The following NEK10 variants were observed in gnomAD, a reference collection of about 807,000 sequenced individuals.
NEK10 encodes the protein NIMA related kinase 10.
A neutral mutation model predicts 159.8 loss-of-function variants in NEK10; 122 were observed. That is an observed-to-expected ratio of 0.76 (90% confidence interval 0.66 to 0.89). The LOEUF (loss-of-function observed/expected upper bound fraction) is 0.89, where lower values mean the gene tolerates loss of function less well. Ranked by LOEUF, NEK10 falls within the 40% of genes least tolerant of loss-of-function variation. The pLI, the probability that NEK10 is intolerant of heterozygous loss-of-function variation, is 0.00. For missense variants in NEK10, 1,342 were observed against 1,323.1 expected (o/e 1.01, Z -0.22); for synonymous variants, 466 against 457.1 (o/e 1.02, Z -0.25).
chr3:27,310,600 T>C (rs1575688921), intron 9 of NEK10: 1 of 185,166 alleles, frequency 5.4e-6, no homozygotes, highest in South Asian at 1.6e-4. Flanking sequence ...TGTATACATA[T>C]GTACATTTTG....
At chr3:27,363,666 T>C (rs1439121594) in intron 1 of NEK10, 1 of 152,174 alleles carries the variant, frequency 6.6e-6, no homozygotes, top group Non-Finnish European at 1.5e-5. Flanking sequence ...AAGTATTACA[T>C]TGATGTTAAA....
At chr3:27,315,246 C>A (rs1028640931) in intron 6 of NEK10, among the ~76,000 whole-genome samples, 2 of 152,086 alleles carry the variant, frequency 1.3e-5, no homozygotes, top group Non-Finnish European at 2.9e-5. Context: ...GGGAAGTGCA[C>A]AGGGACGAGT....
At chr3:27,186,574 G>T (rs1203637422) in intron 26 of NEK10, among the ~76,000 whole-genome samples, 1 of 152,134 alleles carries the variant, frequency 6.6e-6, no homozygotes, top group Non-Finnish European at 1.5e-5. Context: ...GTTTGAGGGG[G>T]AAACTGGGGC....
At chr3:27,236,785 A>C (rs1362673053) in intron 23 of NEK10, among the ~76,000 whole-genome samples, 1 of 152,180 alleles carries the variant, frequency 6.6e-6, no homozygotes, top group East Asian at 1.9e-4. Context: ...GCAAAATTAG[A>C]GTTACTGATG....
Position 27,174,775 on chromosome 3 carries a change from C to T in NEK10, c.2564G>A (p.Ser855Asn), listed in dbSNP as rs374444883. 20 of 1,612,130 alleles carry T rather than the reference C, an allele frequency of 1.2e-5. No homozygotes were observed. Among genetic ancestry groups the T allele is most frequent in the African/African-American group, 2.7e-5 (2 of 74,776 alleles). ...SSSSGAASLKSELSESADLPP... is the reference protein window; with the variant it reads ...SSSSGAASLKNELSESADLPP... Reference sequence around the variant, plus strand: ...CAGGTCTGCGCTTTCTGAAAGTTCACTTTTCAGGCTGGCTGCTCCACTGCT... The same window carrying T: ...CAGGTCTGCGCTTTCTGAAAGTTCATTTTTCAGGCTGGCTGCTCCACTGCT... The change falls in exon 27 of 36, where the codon AGT (serine) becomes AAT (asparagine). Residue 855 changes from serine (S) to asparagine (N), a missense_variant. Ser to Asn is a conservative substitution (Grantham distance 46, BLOSUM62 1). Transcript: ENST00000691995.
At chr3:27,196,406 T>A (rs1949562187) in intron 25 of NEK10, among the ~76,000 whole-genome samples, 1 of 152,184 alleles carries the variant, frequency 6.6e-6, no homozygotes, top group Admixed American at 6.6e-5. Flanking sequence ...CAACTCAGCA[T>A]CTGAGGGGTT....
At chr3:27,365,188 C>A (rs1314394298) in intron 1 of NEK10, among the ~76,000 whole-genome samples, 1 of 152,110 alleles carries the variant, frequency 6.6e-6, no homozygotes. Context: ...CTGTCTTTTG[C>A]AAAATATACT....
chr3:27,339,141 T>C (rs2047022417), intron 5 of NEK10, among the ~76,000 whole-genome samples: 1 of 152,202 alleles, frequency 6.6e-6, no homozygotes, highest in Non-Finnish European at 1.5e-5. Flanking sequence ...AAGTTGCCTG[T>C]TCACTCTGAG....
At chr3:27,144,895 T>C (rs1944146854) in intron 30 of NEK10, among the ~76,000 whole-genome samples, 3 of 152,114 alleles carry the variant, frequency 2.0e-5, no homozygotes, top group Non-Finnish European at 4.4e-5. Context: ...CTAACTTTTA[T>C]ATTTTTAGTA....
At chr3:27,225,369 C>A (rs2149176504) in intron 23 of NEK10, among the ~76,000 whole-genome samples, 1 of 152,308 alleles carries the variant, frequency 6.6e-6, no homozygotes, top group Middle Eastern at 3.4e-3. Flanking sequence ...TACTTTGTAT[C>A]CTTCAATCCA....
At chr3:27,195,579 C>T (rs1487813268) in intron 25 of NEK10, among the ~76,000 whole-genome samples, 2 of 152,180 alleles carry the variant, frequency 1.3e-5, no homozygotes, top group African/African-American at 4.8e-5. Context: ...ATTGTCAGTT[C>T]TAACTTATTG....
intron 23 of NEK10, among the ~76,000 whole-genome samples, chr3:27,205,784 G>A (rs1166564708): frequency 7.2e-6 from 1 of 138,432 alleles, no homozygotes; most frequent in Non-Finnish European, 1.5e-5. Flanking sequence ...TTACCATTCA[G>A]GACATAGGCA....
At chr3:27,256,458 T>G in intron 22 of NEK10, 87 bp from the exon 23 acceptor site, 8 of 592,164 alleles carry the variant, frequency 1.4e-5, no homozygotes. Context: ...ACACAATAAC[T>G]ACTACACTTC....
In NEK10 at chr3:27,131,955, C is replaced by G. The variant is rs79598096; in HGVS notation, c.3006G>C (p.Arg1002Ser). The change falls in exon 32 of 36, where the codon AGG (arginine) becomes AGC (serine). Residue 1002 changes from arginine (R) to serine (S), a missense_variant. Transcript: ENST00000691995. ...GGGATTTCTTGAATCTCTCTATAAC[C>G]CTTCTTTTCAAATTGTGGTGCAAAG... ...PPALHHNLKR[R>S]VIERFKKSLF... is the part of the protein sequence containing the mutation. 424 of 1,608,178 alleles carry G rather than the reference C, an allele frequency of 2.6e-4. No individual in the cohort carries two copies. The African/African-American group carries it at 5.1e-3, about 19-fold the overall frequency.
At chr3:27,350,936 G>A (rs1049166172) in intron 3 of NEK10, among the ~76,000 whole-genome samples, 1 of 152,062 alleles carries the variant, frequency 6.6e-6, no homozygotes, top group African/African-American at 2.4e-5. Flanking sequence ...ATTCAATTTA[G>A]CAAAATCTGG....
intron 30 of NEK10, among the ~76,000 whole-genome samples, chr3:27,153,375 C>T (rs551692157): frequency 1.3e-5 from 2 of 151,058 alleles, no homozygotes; most frequent in East Asian, 3.9e-4. Flanking sequence ...CAGTACTCCA[C>T]TGACACAATT....
intron 30 of NEK10, among the ~76,000 whole-genome samples, chr3:27,148,715 C>T (rs1944541697): frequency 1.3e-5 from 2 of 152,176 alleles, no homozygotes; most frequent in African/African-American, 4.8e-5. Context: ...ACAATCATCA[C>T]CCAAGTCATG....
In NEK10 at chr3:27,188,424, C is replaced by T. The variant is rs1948817423; in HGVS notation, c.2505+3605G>A. Among the ~76,000 whole-genome samples the T allele has an allele frequency of 2.0e-5, 3 of 152,082 alleles. No homozygotes were observed. In the South Asian group the frequency reaches 6.2e-4, roughly 32 times the overall value. On this transcript the variant is annotated intron_variant, in intron 26 of 35. Transcript: ENST00000691995. ...ACATTCAGAAGACATCCAACAAATCCCTGTTCCTTCATTATTAATTATATA... is the reference window on the plus strand; with the variant it reads ...ACATTCAGAAGACATCCAACAAATCTCTGTTCCTTCATTATTAATTATATA...
intron 1 of NEK10, among the ~76,000 whole-genome samples, chr3:27,354,451 C>G (rs2048189105): frequency 6.6e-6 from 1 of 152,066 alleles, no homozygotes; most frequent in Non-Finnish European, 1.5e-5. Flanking sequence ...AAACAGTAAA[C>G]AAATTCACCA....
Sources: gnomAD v4.1 joint callset for allele counts (sites outside exome capture counted in the v4.1 genomes callset) on GRCh38, gnomAD v4.1.1 for gene constraint, MANE v1.5 for transcripts, NCBI Gene and HGNC (gene_info 2026-07-23, HGNC 2026-07-21) for gene names.